Variants in RALGDS observed in about 807,000 individuals in gnomAD.
RALGDS encodes the protein ral guanine nucleotide dissociation stimulator.
In RALGDS, 44 loss-of-function variants were observed where a neutral mutation model predicts 99.8. The ratio of observed to expected loss-of-function variants is 0.44; its 90% CI spans 0.35 to 0.57. The LOEUF (loss-of-function observed/expected upper bound fraction) is 0.57. Ranked by LOEUF, RALGDS falls within the 20% of genes least tolerant of loss-of-function variation. The pLI is 0.01. For missense variants in RALGDS, 1,022 were observed against 1,203.1 expected, an observed-to-expected ratio of 0.85 and a Z score of 2.23; for synonymous variants, 529 against 505.0, an observed-to-expected ratio of 1.05 and a Z score of -0.64.
At chr9:133,108,900 CCTGGGCTCCCCTGAGCCAGG>C (rs745984898) in intron 4 of RALGDS, 34 bp from the exon 5 acceptor site, 18 of 1,573,102 alleles carry the variant, frequency 1.1e-5, no homozygotes, top group Admixed American at 6.9e-5. Flanking sequence ...GAGTCAGAGG[CCTGGGCTCCCCTGAGCCAGG>C]CTGGGCTCCT....
upstream of RALGDS, among the ~76,000 whole-genome samples, chr9:133,123,574 G>A (rs1042540333): frequency 1.3e-5 from 2 of 152,150 alleles, no homozygotes; most frequent in Non-Finnish European, 2.9e-5. Context: ...CCCTCTGGCC[G>A]GTGTCTGTTT....
At position 133,107,244 on chromosome 9, in the gene RALGDS, C is replaced by T; in HGVS notation, c.1254G>A (p.Arg418=). The change falls in exon 7 of 18, where the codon CGG becomes CGA. Residue 418 remains arginine (R), a synonymous_variant. Transcript: ENST00000372050. The part of the protein sequence containing the change: ...YHCLGSIWSQ[R]DKKGKEHLAP... ...CCAGGTGCTCCTTGCCCTTCTTGTC[C>T]CGCTGGGACCAGATGGAGCCCAGGC... 6.2e-7 allele frequency: 1 copy of T among 1,613,782 alleles called. No homozygotes were observed. The highest frequency in any genetic ancestry group is 8.5e-7 in the Non-Finnish European group (1 of 1,180,030).
intron 1 of RALGDS, among the ~76,000 whole-genome samples, chr9:133,141,811 C>T (rs1294037250): frequency 2.6e-5 from 4 of 152,236 alleles, no homozygotes; most frequent in African/African-American, 9.6e-5. Context: ...AAACTGAGGC[C>T]AGCGAGAAGG....
intron 1 of RALGDS, among the ~76,000 whole-genome samples, chr9:133,120,395 T>A (rs1166666203): frequency 6.6e-6 from 1 of 151,592 alleles, no homozygotes; most frequent in African/African-American, 2.4e-5. Context: ...TGGTCCCACG[T>A]GTTGGAGGCC....
At chr9:133,123,961 G>GACAGAGACACAGACACACACACAC (rs1564247652), upstream of RALGDS, among the ~76,000 whole-genome samples, 1 of 123,564 alleles carries the variant, frequency 8.1e-6, no homozygotes, top group African/African-American at 2.9e-5. Flanking sequence ...CACACACAGA[G>GACAGAGACACAGACACACACACAC]ACACACACAT....
intron 1 of RALGDS, among the ~76,000 whole-genome samples, chr9:133,129,885 G>A (rs1311347288): frequency 6.7e-6 from 1 of 150,264 alleles, no homozygotes; most frequent in Non-Finnish European, 1.5e-5. Flanking sequence ...GTGCGACCTC[G>A]GCTCACTATA....
chr9:133,113,347 G>C (rs1272894145), intron 1 of RALGDS, among the ~76,000 whole-genome samples: 1 of 152,174 alleles, frequency 6.6e-6, no homozygotes, highest in Non-Finnish European at 1.5e-5. Context: ...ACGGGACCCT[G>C]GCCTCCTGCC....
At position 133,144,260 on chromosome 9, in the gene RALGDS, A is replaced by G. The variant is rs1351838158; in HGVS notation, c.18+4703T>C. ...GCTTGCAGGCGAGGAACCAAACGAA[A>G]GGCAAACTCCTGGCCCCTGCAGCCT... On this transcript the variant is annotated intron_variant, in intron 1 of 17. Coordinates refer to the RALGDS transcript ENST00000393160. This position sits in a 1 kb window ranked among gnomAD's most constrained non-coding sequence, Gnocchi z 4.5. Among the ~76,000 whole-genome samples the G allele has an allele frequency of 1.3e-5, 2 of 152,020 alleles. No homozygotes were observed. Among genetic ancestry groups the G allele is most frequent in the South Asian group, 2.1e-4 (1 of 4,824 alleles).
chr9:133,131,110 C>G, exon 1 of RALGDS: 1 of 1,452,850 alleles, frequency 6.9e-7, no homozygotes, highest in Non-Finnish European at 9.0e-7. Context: ...GCTTCCCGCC[C>G]AGACACTGCC....
intron 13 of RALGDS, 52 bp from the exon 14 acceptor site, chr9:133,102,623 C>T (rs773197139): frequency 6.2e-7 from 1 of 1,605,236 alleles, no homozygotes; most frequent in South Asian, 1.1e-5. Flanking sequence ...CTCCGGCCTT[C>T]CCCCAGCACC....
rs1830596738 is a variant in RALGDS, at chr9:133,098,459, G to A, written c.*128C>T. The stretch of plus-strand genomic sequence containing the variant: ...AGGCGTCAATCCCAGCAGCGGGAGA[G>A]GTTCAGGATGAAACTGGAGTCTGGG... On this transcript the variant is annotated 3_prime_UTR_variant, in exon 18 of 18. Coordinates refer to ENST00000372050, the MANE Select transcript of RALGDS (RefSeq NM_006266.4). 1 of 981,882 alleles carries A rather than the reference G, an allele frequency of 1.0e-6. No individual in the cohort carries two copies. The highest frequency in any genetic ancestry group is 1.4e-5 in the South Asian group (1 of 70,964). 60.8% of individuals were successfully genotyped at this position (981,882 alleles called of 1,614,324 possible).
chr9:133,129,303 C>A, intron 1 of RALGDS: 1 of 1,589,208 alleles, frequency 6.3e-7, no homozygotes, highest in Non-Finnish European at 8.5e-7. Context: ...CAAACCTGGC[C>A]TGCTTCCCGG....
Position 133,121,167 on chromosome 9 carries a change from G to T in RALGDS, c.-13C>A. ...TGCGCTGCACCATGGAAGGCTCGCA[G>T]CGCGGGCGCGGGGCCGGCCCGGCGC... On this transcript the variant is annotated 5_prime_UTR_variant, in exon 1 of 18. In the 5' UTR this introduces an upstream ATG that the reference lacks. Coordinates refer to ENST00000372050, the MANE Select transcript of RALGDS (RefSeq NM_006266.4). 1 of 1,135,308 alleles carries T rather than the reference G, an allele frequency of 8.8e-7. No individual in the cohort carries two copies. Among genetic ancestry groups the T allele is most frequent in the East Asian group, 4.4e-5 (1 of 22,856 alleles). 70.3% of individuals were successfully genotyped at this position (1,135,308 alleles called of 1,614,324 possible).
At chr9:133,125,050 G>C (rs1256898052), upstream of RALGDS, among the ~76,000 whole-genome samples, 1 of 152,194 alleles carries the variant, frequency 6.6e-6, no homozygotes, top group Admixed American at 6.5e-5. Context: ...AGAGGAAAAA[G>C]AAAGGGGAAA....
In RALGDS at chr9:133,144,510, T is replaced by C. The variant is rs1035832823; in HGVS notation, c.18+4453A>G. ...CGTGCCCCTGGCCTGTTTACAGCTG[T>C]GCGCAAGCTCCTCGCGACCCGAAAG... On this transcript the variant is annotated intron_variant, in intron 1 of 17. Transcript: ENST00000393160. The surrounding 1 kb of genome is among the most constrained non-coding windows in gnomAD (Gnocchi z 4.5). Among the ~76,000 whole-genome samples the C allele has an allele frequency of 7.2e-5, 11 of 152,350 alleles. No individual in the cohort carries two copies. The highest frequency in any genetic ancestry group is 2.6e-4 in the African/African-American group (11 of 41,586).
rs979618991 is a variant in RALGDS at position 133,097,813 on chromosome 9, A to AT, written c.*773dup. On this transcript the variant is annotated 3_prime_UTR_variant, in exon 18 of 18. Transcript: ENST00000372050. ...GCCCCTCCCCAATCAGTAAACAAAC[A>AT]TTTTTTTTTTCTTTTTGCTTTTTAT... 2.2e-3 allele frequency: 480 copies of AT among 215,596 alleles called. No homozygotes were observed. Among genetic ancestry groups the AT allele is most frequent in the Middle Eastern group, 7.2e-3 (5 of 696 alleles). 13.4% of individuals were successfully genotyped at this position (215,596 alleles called of 1,614,324 possible). A position where few individuals can be genotyped will look rare whatever the true frequency, so the allele number is the denominator to read the frequency against.
intron 1 of RALGDS, among the ~76,000 whole-genome samples, chr9:133,142,081 CAGGT>C (rs1832532902): frequency 6.6e-6 from 1 of 152,196 alleles, no homozygotes; most frequent in African/African-American, 2.4e-5. Context: ...AACTCTCACT[CAGGT>C]ATCCAGGAAG....
rs899930589 is a variant in RALGDS at position 133,144,068 on chromosome 9, G to T, written c.18+4895C>A. The stretch of plus-strand genomic sequence containing the variant: ...TGAGGCAGGGTCTGGGGCTGGGGTT[G>T]GGGGGAAGGACCCCTCAAGTCTCTA... On this transcript the variant is annotated intron_variant, in intron 1 of 17. Coordinates refer to the RALGDS transcript ENST00000393160. The surrounding 1 kb of genome is among the most constrained non-coding windows in gnomAD (Gnocchi z 4.5). 6.6e-6 allele frequency among the ~76,000 whole-genome samples: 1 copy of T among 151,826 alleles called. No individual in the cohort carries two copies. Among genetic ancestry groups the T allele is most frequent in the African/African-American group, 2.4e-5 (1 of 41,422 alleles).
chr9:133,129,109 G>T (rs1481228912), intron 1 of RALGDS: 3 of 1,562,332 alleles, frequency 1.9e-6, no homozygotes, highest in Non-Finnish European at 2.6e-6. Context: ...CCCCTCCCCG[G>T]CAGAGGCACT....
Sources: gnomAD v4.1 joint callset for allele counts (sites outside exome capture counted in the v4.1 genomes callset) on GRCh38, gnomAD v4.1.1 for gene constraint, Gnocchi (gnomAD v3.1) non-coding constraint, MANE v1.5 for transcripts, NCBI Gene and HGNC (gene_info 2026-07-23, HGNC 2026-07-21) for gene names.